Variants in ME3 observed in about 807,000 individuals in gnomAD.
ME3 encodes malic enzyme 3.
ME3 carries 48 observed loss-of-function variants against 68.9 expected under a neutral mutation model. That is an observed-to-expected ratio of 0.70 (90% CI 0.55 to 0.89). The LOEUF is 0.89. Among genes scored for constraint, ME3 ranks in the 40% least tolerant of loss-of-function variants. The pLI, the probability that ME3 is intolerant of heterozygous loss-of-function variation, is 0.00. For missense variants in ME3, 675 were observed against 797.4 expected (o/e 0.85, Z 1.85); for synonymous variants, 320 against 318.8 (o/e 1.00, Z -0.04).
At chr11:86,567,268 A>AAGGG (rs1011818316) in intron 2 of ME3, among the ~76,000 whole-genome samples, 1 of 146,624 alleles carries the variant, frequency 6.8e-6, no homozygotes, top group African/African-American at 2.6e-5. Flanking sequence ...GGAAGGAAGG[A>AAGGG]AGGAAGGAAG....
intron 7 of ME3, among the ~76,000 whole-genome samples, chr11:86,478,765 T>C (rs972849541): frequency 3.3e-5 from 5 of 152,184 alleles, no homozygotes; most frequent in African/African-American, 1.2e-4. Context: ...TTTACATTTT[T>C]TATGGTTGGT....
intron 2 of ME3, among the ~76,000 whole-genome samples, chr11:86,598,538 A>C (rs1191258484): frequency 6.6e-6 from 1 of 152,190 alleles, no homozygotes; most frequent in Non-Finnish European, 1.5e-5. Context: ...GACAAACAAA[A>C]AGACAGCAGT....
At chr11:86,589,275 G>A (rs1358723615) in intron 2 of ME3, among the ~76,000 whole-genome samples, 2 of 152,182 alleles carry the variant, frequency 1.3e-5, no homozygotes, top group Middle Eastern at 3.4e-3. Context: ...CCTCAGGGCA[G>A]GTACTATGTT....
intron 4 of ME3, among the ~76,000 whole-genome samples, chr11:86,529,144 A>C (rs938117714): frequency 2.0e-5 from 3 of 152,228 alleles, no homozygotes; most frequent in African/African-American, 4.8e-5. Context: ...AGAAGAATCA[A>C]ATAGACGCAA....
intron 8 of ME3, among the ~76,000 whole-genome samples, chr11:86,451,698 A>G (rs1949642258): frequency 6.6e-6 from 1 of 152,214 alleles, no homozygotes; most frequent in African/African-American, 2.4e-5. Context: ...ACTGGAGCAG[A>G]TATACATTCT....
At chr11:86,501,197 C>A (rs1196529050) in intron 5 of ME3, among the ~76,000 whole-genome samples, 3 of 71,230 alleles carry the variant, frequency 4.2e-5, no homozygotes, top group Non-Finnish European at 6.8e-5. Flanking sequence ...AATAATAATA[C>A]TTAACTCCTC....
chr11:86,659,543 G>A (rs534541595), intron 2 of ME3, among the ~76,000 whole-genome samples: 1 of 152,292 alleles, frequency 6.6e-6, no homozygotes, highest in East Asian at 1.9e-4. Context: ...TCTTCTGGGG[G>A]GATGATCATC....
At chr11:86,621,406 A>T (rs796453975) in intron 2 of ME3, among the ~76,000 whole-genome samples, 4 of 150,860 alleles carry the variant, frequency 2.7e-5, no homozygotes, top group African/African-American at 1.0e-4. Context: ...ATTTGTTAGC[A>T]TGATTCTCAG....
chr11:86,529,059 A>C (rs1016709742), intron 4 of ME3, among the ~76,000 whole-genome samples: 12 of 152,216 alleles, frequency 7.9e-5, no homozygotes, highest in African/African-American at 2.9e-4. Context: ...AAAATCAATG[A>C]ATCCAAGAGT....
rs114340170 is a variant in ME3, at chr11:86,450,683, C to T, written c.920-285G>A. On this transcript the variant is annotated intron_variant, in intron 8 of 14. Transcript: ENST00000543262. ...CCATCATCATTCATAAAGAAAATGA[C>T]AAGGATAAATATAATGGAAGACAAA... Among the ~76,000 whole-genome samples the T allele has an allele frequency of 4.9e-3, 742 of 152,128 alleles. 3 individuals are homozygous for T. Among genetic ancestry groups the T allele is most frequent in the African/African-American group, 0.017 (696 of 41,506 alleles).
At chr11:86,615,106 T>C (rs549256387) in intron 2 of ME3, among the ~76,000 whole-genome samples, 80 of 152,324 alleles carry the variant, frequency 5.3e-4, no homozygotes, top group African/African-American at 1.8e-3. Flanking sequence ...TTTTTTTTAC[T>C]TTCAGAAATC....
chr11:86,552,541 T>G (rs1461598836), intron 4 of ME3, among the ~76,000 whole-genome samples: 1 of 152,154 alleles, frequency 6.6e-6, no homozygotes, highest in Non-Finnish European at 1.5e-5. Context: ...TCCCATCCTG[T>G]CAATTTAACC....
chr11:86,594,556 G>A (rs563957073), intron 2 of ME3, among the ~76,000 whole-genome samples: 1 of 145,628 alleles, frequency 6.9e-6, no homozygotes, highest in Non-Finnish European at 1.5e-5. Flanking sequence ...TCAGCCAGGT[G>A]TGGTGATGCA....
At chr11:86,495,315 C>G (rs1208085850) in intron 6 of ME3, among the ~76,000 whole-genome samples, 1 of 152,172 alleles carries the variant, frequency 6.6e-6, no homozygotes, top group African/African-American at 2.4e-5. Flanking sequence ...TGCTACTTTC[C>G]AGTCATTTTT....
At chr11:86,443,008 C>T in intron 13 of ME3, 89 bp from the exon 14 acceptor site, 2 of 997,638 alleles carry the variant, frequency 2.0e-6, no homozygotes, top group Non-Finnish European at 3.0e-6. Context: ...ACTCACCCCA[C>T]CCTGCATAGT....
At position 86,535,024 on chromosome 11, in the gene ME3, C is replaced by A. The variant is rs186406789; in HGVS notation, c.467+21529G>T. ...GTGAATTCTTAACGAAGGTTTAAAA[C>A]CACTGGCCTAGGTAGAGGTTTACTC... On this transcript the variant is annotated intron_variant, in intron 4 of 14. Coordinates refer to ENST00000543262, the Ensembl canonical transcript of ME3. Among the ~76,000 whole-genome samples the A allele has an allele frequency of 3.3e-4, 51 of 152,272 alleles. No individual in the cohort carries two copies. In the East Asian group the frequency reaches 9.3e-3, roughly 28 times the overall value.
chr11:86,447,768 G>C (rs1949393862), intron 11 of ME3, among the ~76,000 whole-genome samples: 1 of 149,136 alleles, frequency 6.7e-6, no homozygotes, highest in Non-Finnish European at 1.5e-5. Context: ...TGAGGCAGGA[G>C]AATCACTTGA....
At chr11:86,505,582 T>A (rs575138141) in intron 5 of ME3, among the ~76,000 whole-genome samples, 2 of 152,296 alleles carry the variant, frequency 1.3e-5, no homozygotes, top group South Asian at 4.1e-4. Flanking sequence ...GGGAGCCCCC[T>A]CAGGCCCTGA....
At chr11:86,587,217 T>C (rs1025681241) in intron 2 of ME3, among the ~76,000 whole-genome samples, 1 of 152,162 alleles carries the variant, frequency 6.6e-6, no homozygotes, top group Non-Finnish European at 1.5e-5. Context: ...CAGGAGGCAT[T>C]TGGCTTGAGG....
Sources: allele counts gnomAD v4.1 joint callset (sites outside exome capture counted in the v4.1 genomes callset), GRCh38; gene constraint gnomAD v4.1.1; transcripts MANE v1.5; gene names NCBI Gene and HGNC (gene_info 2026-07-23, HGNC 2026-07-21).